The following TLX3 variants were observed in gnomAD, a reference collection of about 807,000 sequenced individuals.
The protein encoded by TLX3 is T cell leukemia homeobox 3.
In TLX3, 11 loss-of-function variants were observed where a neutral mutation model predicts 19.6. The ratio of observed to expected loss-of-function variants is 0.56; its 90% CI spans 0.35 to 0.93. The LOEUF (loss-of-function observed/expected upper bound fraction) is 0.93, where lower values mean the gene tolerates loss of function less well. Among genes scored for constraint, TLX3 ranks in the 40% least tolerant of loss-of-function variants. TLX3 has a pLI of 0.01. For synonymous variants in TLX3, 221 were observed against 188.1 expected (o/e 1.17, Z -1.43); for missense variants, 375 against 418.6 (o/e 0.90, Z 0.91).
chr5:171,309,347 G>GACCCC lies in TLX3; in HGVS notation c.-19_-18insACCCC. 1.6e-6 allele frequency: 1 copy of GACCCC among 628,476 alleles called. No individual in the cohort carries two copies. Among genetic ancestry groups the GACCCC allele is most frequent in the Non-Finnish European group, 2.6e-6 (1 of 379,894 alleles). The allele number at this position is 628,476 out of a possible 1,614,324, so 38.9% of individuals were successfully genotyped here. Reference sequence around the variant, plus strand: ...CCGCCTCCCCGCCCAGCCCAGCCCAGCCCTTCCGCCCGCCCAGGATGGAGG... The same window carrying GACCCC: ...CCGCCTCCCCGCCCAGCCCAGCCCAGACCCCCCCTTCCGCCCGCCCAGGATGGAGG... On this transcript the variant is annotated 5_prime_UTR_variant, in exon 1 of 3. Transcript: ENST00000296921.
intron 2 of TLX3, among the ~76,000 whole-genome samples, chr5:171,310,594 C>A (rs187364485): frequency 6.7e-6 from 1 of 150,158 alleles, no homozygotes; most frequent in Admixed American, 6.7e-5. Flanking sequence ...CTCTCTCCAT[C>A]GTGGTCTCCC....
At chr5:171,310,711 A>ACCCCCCCCCCCCCCCC (rs1769205557) in intron 2 of TLX3, among the ~76,000 whole-genome samples, 2 of 40,156 alleles carry the variant, frequency 5.0e-5, no homozygotes, top group Admixed American at 2.9e-4. Context: ...CCTCTCACCC[A>ACCCCCCCCCCCCCCCC]CCCCCGCCCC....
At position 171,311,220 on chromosome 5, in the gene TLX3, G is replaced by T. The variant is rs1227927147; in HGVS notation, c.666-169G>T. On this transcript the variant is annotated intron_variant, in intron 2 of 2. Coordinates refer to ENST00000296921, the MANE Select transcript of TLX3 (RefSeq NM_021025.4). The surrounding 1 kb of genome is among the most constrained non-coding windows in gnomAD (Gnocchi z 5.1). ...CAACAAAAACAAATGATCCTAACCG[G>T]CTCCCTGGATATAAGAGCCTCGGGC... is the stretch of plus-strand genomic sequence containing the variant. 1.3e-5 allele frequency among the ~76,000 whole-genome samples: 2 copies of T among 152,180 alleles called. No homozygotes were observed. Among genetic ancestry groups the T allele is most frequent in the East Asian group, 3.9e-4 (2 of 5,170 alleles).
In TLX3 at chr5:171,309,327, T is replaced by TGGCC; in HGVS notation, c.-39_-38insGGCC. 1.0e-6 allele frequency: 1 copy of TGGCC among 976,978 alleles called. No individual in the cohort carries two copies. The highest frequency in any genetic ancestry group is 1.5e-6 in the Non-Finnish European group (1 of 668,410). 60.5% of individuals were successfully genotyped at this position (976,978 alleles called of 1,614,324 possible). A position where few individuals can be genotyped will look rare whatever the true frequency, so the allele number is the denominator to read the frequency against. On this transcript the variant is annotated 5_prime_UTR_variant, in exon 1 of 3. Transcript: ENST00000296921. ...GCGCCGTAACGGGGACCCAGCCGCC[T>TGGCC]CCCCGCCCAGCCCAGCCCAGCCCTT...
Position 171,309,276 on chromosome 5 carries a change from C to A in TLX3, c.-90C>A. ...CACTCTTGGCAAAGTTTCAGTGCGA[C>A]GAGAGGCGCCGGGCGCTCCATGGCC... On this transcript the variant is annotated 5_prime_UTR_variant, in exon 1 of 3. Coordinates refer to ENST00000296921, the MANE Select transcript of TLX3 (RefSeq NM_021025.4). 8.7e-7 allele frequency: 1 copy of A among 1,146,620 alleles called. No individual in the cohort carries two copies. Among genetic ancestry groups the A allele is most frequent in the Non-Finnish European group, 1.2e-6 (1 of 851,912 alleles). 71.0% of individuals were successfully genotyped at this position (1,146,620 alleles called of 1,614,324 possible).
rs1295768841 is a variant in TLX3, at chr5:171,311,938, A to G, written c.*339A>G. On this transcript the variant is annotated 3_prime_UTR_variant, in exon 3 of 3. Transcript: ENST00000296921. The surrounding 1 kb of genome is among the most constrained non-coding windows in gnomAD (Gnocchi z 5.1). The stretch of plus-strand genomic sequence containing the variant: ...TTTTGCCCAAACGTGTAAATAATAA[A>G]AAAGTTTTGGCTTTTTTCTTTAGAA... 2 of 214,268 alleles carry G rather than the reference A, an allele frequency of 9.3e-6. No individual in the cohort carries two copies. The highest frequency in any genetic ancestry group is 1.9e-5 in the Non-Finnish European group (2 of 106,594). The allele number at this position is 214,268 out of a possible 1,614,324, so 13.3% of individuals were successfully genotyped here. A position where few individuals can be genotyped will look rare whatever the true frequency, so the allele number is the denominator to read the frequency against.
chr5:171,311,274 T>C lies in TLX3; in HGVS notation c.666-115T>C. ...AAGCGCGGGCTGGGAGGCAGACGGG[T>C]TCTGCGCCTCGAGGCTCCCGGATGG... On this transcript the variant is annotated intron_variant, in intron 2 of 2. Transcript: ENST00000296921. This position sits in a 1 kb window ranked among gnomAD's most constrained non-coding sequence, Gnocchi z 5.1. 1 of 843,862 alleles carries C rather than the reference T, an allele frequency of 1.2e-6. No homozygotes were observed. The highest frequency in any genetic ancestry group is 1.8e-6 in the Non-Finnish European group (1 of 556,298). 52.3% of individuals were successfully genotyped at this position (843,862 alleles called of 1,614,324 possible). A position where few individuals can be genotyped will look rare whatever the true frequency, so the allele number is the denominator to read the frequency against.
chr5:171,310,259 G>T lies in TLX3; in HGVS notation c.531G>T (p.Gln177His). 1 of 1,575,252 alleles carries T rather than the reference G, an allele frequency of 6.3e-7. No homozygotes were observed. The highest frequency in any genetic ancestry group is 8.6e-7 in the Non-Finnish European group (1 of 1,160,964). ...CGCGCACGTCCTTTTCCCGGGTGCA[G>T]ATCTGCGAGCTGGAAAAGCGCTTCC... The part of the protein sequence containing the change: ...KKPRTSFSRV[Q>H]ICELEKRFHR... The change falls in exon 2 of 3, where the codon CAG (glutamine) becomes CAT (histidine). Residue 177 changes from glutamine to histidine, a missense_variant. Physicochemically the swap from Gln to His is conservative, Grantham distance 24. Coordinates refer to ENST00000296921, the MANE Select transcript of TLX3 (RefSeq NM_021025.4).
rs1004132766 is a variant in TLX3 at position 171,309,528 on chromosome 5, A to T, written c.163A>T (p.Thr55Ser). The T allele has an allele frequency of 1.9e-6, 3 of 1,570,762 alleles. No individual in the cohort carries two copies. The highest frequency in any genetic ancestry group is 2.6e-6 in the Non-Finnish European group (3 of 1,159,878). ...GCCCCCCGGGGGCCGTCCGGGCGCCACATACCCGTCTCTGCCCGCCTCCTT... is the reference window on the plus strand; with the variant it reads ...GCCCCCCGGGGGCCGTCCGGGCGCCTCATACCCGTCTCTGCCCGCCTCCTT... ...GGPPGGRPGA[T>S]YPSLPASFAG... Residue 55 changes from threonine to serine, a missense_variant, in exon 1 of 3, where the codon ACA (threonine) becomes TCA (serine). By Grantham distance (58) the Thr-to-Ser change is moderately conservative. This residue lies in a region of TLX3 where 239 missense variants were observed against 217.0 expected (regional missense o/e 1.10). Transcript: ENST00000296921.
rs1484026653 is a variant in TLX3, at chr5:171,311,010, G to T, written c.666-379G>T. Among the ~76,000 whole-genome samples the T allele has an allele frequency of 1.3e-5, 2 of 152,006 alleles. No individual in the cohort carries two copies. Among genetic ancestry groups the T allele is most frequent in the African/African-American group, 4.8e-5 (2 of 41,378 alleles). On this transcript the variant is annotated intron_variant, in intron 2 of 2. Coordinates refer to ENST00000296921, the MANE Select transcript of TLX3 (RefSeq NM_021025.4). This position sits in a 1 kb window ranked among gnomAD's most constrained non-coding sequence, Gnocchi z 5.1. ...AGCCCCCGGGCGTCGTGCGGGTGGTGCAGAGCCAGCCTGCTCACCCGCGGA... is the reference window on the plus strand; with the variant it reads ...AGCCCCCGGGCGTCGTGCGGGTGGTTCAGAGCCAGCCTGCTCACCCGCGGA...
chr5:171,311,841 A>C lies in TLX3; in HGVS notation c.*242A>C. On this transcript the variant is annotated 3_prime_UTR_variant, in exon 3 of 3. Transcript: ENST00000296921. This position sits in a 1 kb window ranked among gnomAD's most constrained non-coding sequence, Gnocchi z 5.1. ...GTCCCGCCCCAGGCCCGGGCCTGAC[A>C]AGAAAGCGCCTTACGTTTCTCCGCC... The C allele has an allele frequency of 2.9e-6, 1 of 341,920 alleles. No homozygotes were observed. 21.2% of individuals were successfully genotyped at this position (341,920 alleles called of 1,614,324 possible).
chr5:171,310,001 C>T, intron 1 of TLX3, 149 bp from the exon 2 acceptor site: 1 of 1,351,582 alleles, frequency 7.4e-7, no homozygotes, highest in South Asian at 1.5e-5. Context: ...GCGAGGGGGT[C>T]TCCCGACCGG....
chr5:171,311,719 T>C lies in TLX3; in HGVS notation c.*120T>C. The C allele has an allele frequency of 2.8e-6, 2 of 725,800 alleles. No homozygotes were observed. Among genetic ancestry groups the C allele is most frequent in the Non-Finnish European group, 4.3e-6 (2 of 466,406 alleles). The allele number at this position is 725,800 out of a possible 1,614,324, so 45.0% of individuals were successfully genotyped here. On this transcript the variant is annotated 3_prime_UTR_variant, in exon 3 of 3. Transcript: ENST00000296921. This position sits in a 1 kb window ranked among gnomAD's most constrained non-coding sequence, Gnocchi z 5.1. ...AGGGGAAGGGGCCGCCTAGCCCGAG[T>C]AGGCCCCAGGGCGCGGCCACAGACT...
intron 2 of TLX3, 70 bp downstream of exon 2, chr5:171,310,463 C>T: frequency 6.4e-7 from 1 of 1,571,112 alleles, no homozygotes; most frequent in Non-Finnish European, 8.6e-7. Context: ...CGCAGCCTCG[C>T]ACTAGCCCTA....
rs1769235308 is a variant in TLX3, at chr5:171,312,129, A to G, written c.*530A>G. On this transcript the variant is annotated 3_prime_UTR_variant, in exon 3 of 3. Transcript: ENST00000296921. ...TTTTTATTTAATAAAAAAGTTAGCT[A>G]TTTCACTTAACGCCGCTTTTATTTC... 1.1e-5 allele frequency: 2 copies of G among 175,468 alleles called. No homozygotes were observed. Among genetic ancestry groups the G allele is most frequent in the African/African-American group, 4.8e-5 (2 of 42,092 alleles). The allele number at this position is 175,468 out of a possible 1,614,324, so 10.9% of individuals were successfully genotyped here.
At chr5:171,310,082 G>T in intron 1 of TLX3, 68 bp from the exon 2 acceptor site, 1 of 1,486,688 alleles carries the variant, frequency 6.7e-7, no homozygotes, top group Non-Finnish European at 8.9e-7. Context: ...GGCGCCACGG[G>T]GTCCGCATGG....
Position 171,309,712 on chromosome 5 carries a change from C to A in TLX3, c.347C>A (p.Thr116Lys). The part of the protein sequence containing the change: ...SALPAMPSVP[T>K]VSSLGGLNFP... ...CTACCCGCCATGCCCTCCGTGCCCA[C>A]GGTCTCCAGCCTTGGCGGTCTCAAT... Residue 116 changes from threonine to lysine, a missense_variant, in exon 1 of 3, where the codon ACG (threonine) becomes AAG (lysine). Around this residue, in one of 3 missense-constraint regions of TLX3, gnomAD observed 239 missense variants for 217.0 expected, o/e 1.10. Transcript: ENST00000296921. 1.2e-6 allele frequency: 2 copies of A among 1,611,372 alleles called. No homozygotes were observed. Among genetic ancestry groups the A allele is most frequent in the Non-Finnish European group, 1.7e-6 (2 of 1,179,348 alleles).
rs962751889 is a variant in TLX3, at chr5:171,311,883, C to A, written c.*284C>A. 2 of 289,398 alleles carry A rather than the reference C, an allele frequency of 6.9e-6. No individual in the cohort carries two copies. The highest frequency in any genetic ancestry group is 1.3e-5 in the Non-Finnish European group (2 of 156,922). The allele number at this position is 289,398 out of a possible 1,614,324, so 17.9% of individuals were successfully genotyped here. A position where few individuals can be genotyped will look rare whatever the true frequency, so the allele number is the denominator to read the frequency against. ...TTCTCCGCCCCCCGCCCGCACCCCCCGGGCCGGGCGCCTGTATTATACTTT... is the reference window on the plus strand; with the variant it reads ...TTCTCCGCCCCCCGCCCGCACCCCCAGGGCCGGGCGCCTGTATTATACTTT... On this transcript the variant is annotated 3_prime_UTR_variant, in exon 3 of 3. Transcript: ENST00000296921. The surrounding 1 kb of genome is among the most constrained non-coding windows in gnomAD (Gnocchi z 5.1).
At position 171,309,331 on chromosome 5, in the gene TLX3, C is replaced by CGCCCAGCCCA. The variant is rs750026711; in HGVS notation, c.-25_-16dup. 9.8e-7 allele frequency: 1 copy of CGCCCAGCCCA among 1,021,688 alleles called. No individual in the cohort carries two copies. Among genetic ancestry groups the CGCCCAGCCCA allele is most frequent in the Non-Finnish European group, 1.4e-6 (1 of 703,934 alleles). The allele number at this position is 1,021,688 out of a possible 1,614,324, so 63.3% of individuals were successfully genotyped here. On this transcript the variant is annotated 5_prime_UTR_variant, in exon 1 of 3. Transcript: ENST00000296921. ...CGTAACGGGGACCCAGCCGCCTCCC[C>CGCCCAGCCCA]GCCCAGCCCAGCCCAGCCCTTCCGC... is the stretch of plus-strand genomic sequence containing the variant.
Sources: allele counts gnomAD v4.1 joint callset (sites outside exome capture counted in the v4.1 genomes callset), GRCh38; gene constraint gnomAD v4.1.1; regional missense constraint gnomAD v4.1.1; non-coding constraint Gnocchi (gnomAD v3.1); transcripts MANE v1.5; gene names NCBI Gene and HGNC (gene_info 2026-07-23, HGNC 2026-07-21).